Variants in CD96 observed in about 807,000 individuals in gnomAD.
The protein encoded by CD96 is CD96 molecule, also known as T-cell surface protein tactile.
In CD96, 70 loss-of-function variants were observed where a neutral mutation model predicts 71.3. The observed-to-expected ratio is 0.98, with a 90% CI of 0.81 to 1.20. The LOEUF (loss-of-function observed/expected upper bound fraction) is 1.20. Ranked by LOEUF, CD96 falls within the 50% of genes most tolerant of loss-of-function variation. The pLI is 0.00. For synonymous variants in CD96, 248 were observed against 233.0 expected (o/e 1.06, Z -0.59); for missense variants, 742 against 677.5 (o/e 1.10, Z -1.06).
intron 14 of CD96, among the ~76,000 whole-genome samples, chr3:111,660,077 T>C (rs1349784810): frequency 6.6e-6 from 1 of 152,060 alleles, no homozygotes; most frequent in East Asian, 1.9e-4. Context: ...GTGAAAGAAG[T>C]CAAACTATCT....
Position 111,567,554 on chromosome 3 carries a change from GATAGAA to G in CD96, c.456_461del (p.Glu154_Ile155del), listed in dbSNP as rs1559725053. 4 of 1,604,066 alleles carry G rather than the reference GATAGAA, an allele frequency of 2.5e-6. No individual in the cohort carries two copies. Among genetic ancestry groups the G allele is most frequent in the Middle Eastern group, 1.6e-4 (1 of 6,072 alleles). On this transcript the variant is annotated inframe_deletion, in exon 3 of 14. Coordinates refer to ENST00000352690, the MANE Select transcript of CD96 (RefSeq NM_005816.5). ...CAGATGAATGGAACAGCAACCATAC[GATAGAA>G]ATAGAGATAAATCAGACTCTGGAAA...
chr3:111,624,973 G>A (rs945989589), intron 10 of CD96, among the ~76,000 whole-genome samples: 7 of 152,216 alleles, frequency 4.6e-5, no homozygotes, highest in African/African-American at 1.4e-4. Context: ...AGTGGTATTA[G>A]ACAACGATCA....
At chr3:111,577,323 G>C (rs1221844303) in intron 3 of CD96, among the ~76,000 whole-genome samples, 1 of 152,122 alleles carries the variant, frequency 6.6e-6, no homozygotes, top group African/African-American at 2.4e-5. Context: ...ACGTACCTGT[G>C]CCAAAAGATC....
downstream of CD96, among the ~76,000 whole-genome samples, chr3:111,654,263 C>T (rs1053345548): frequency 5.3e-5 from 8 of 152,150 alleles, no homozygotes; most frequent in African/African-American, 1.7e-4. Flanking sequence ...ATTGGGGAAT[C>T]AAGGCAGTTA....
chr3:111,618,946 T>C (rs767541235), intron 8 of CD96, among the ~76,000 whole-genome samples: 4 of 152,196 alleles, frequency 2.6e-5, no homozygotes, highest in Non-Finnish European at 5.9e-5. Context: ...CTTGCTTCTT[T>C]TATTTGGCAT....
intron 3 of CD96, chr3:111,570,593 G>A (rs1422171135): frequency 2.0e-6 from 3 of 1,524,642 alleles, no homozygotes; most frequent in East Asian, 2.3e-5. Flanking sequence ...AGAAAGCTAA[G>A]GGATCAACAG....
chr3:111,590,321 T>G (rs1936918383), intron 5 of CD96, among the ~76,000 whole-genome samples: 2 of 152,174 alleles, frequency 1.3e-5, no homozygotes, highest in Non-Finnish European at 2.9e-5. Flanking sequence ...AACCACAGGT[T>G]TTTGGTGTTG....
chr3:111,611,232 C>CT (rs1937914216), intron 8 of CD96, among the ~76,000 whole-genome samples: 2 of 152,172 alleles, frequency 1.3e-5, no homozygotes, highest in African/African-American at 4.8e-5. Flanking sequence ...CTGCCTCTAA[C>CT]CCTCAGCCAG....
intron 8 of CD96, among the ~76,000 whole-genome samples, chr3:111,618,138 AC>A (rs1576397145): frequency 1.3e-5 from 2 of 152,014 alleles, no homozygotes; most frequent in East Asian, 3.9e-4. Context: ...TCGTTCACAC[AC>A]CCCTTGCTGC....
intron 10 of CD96, among the ~76,000 whole-genome samples, chr3:111,636,169 A>G (rs1939317275): frequency 1.3e-5 from 2 of 152,168 alleles, no homozygotes; most frequent in South Asian, 4.1e-4. Flanking sequence ...GGTGACCCCA[A>G]ATGGAAATAG....
At chr3:111,587,874 G>A (rs1936789086) in intron 5 of CD96, among the ~76,000 whole-genome samples, 1 of 152,170 alleles carries the variant, frequency 6.6e-6, no homozygotes, top group Admixed American at 6.5e-5. Context: ...AGGACACAGG[G>A]CACCAAGTCC....
chr3:111,542,359 G>A, intron 1 of CD96, 50 bp downstream of exon 1: 7 of 1,290,662 alleles, frequency 5.4e-6, no homozygotes, highest in Middle Eastern at 1.8e-4. Flanking sequence ...TTTAGGGGCG[G>A]ATGGGGCCTC....
chr3:111,574,952 T>A (rs1428545124), intron 3 of CD96, among the ~76,000 whole-genome samples: 1 of 15,602 alleles, frequency 6.4e-5, no homozygotes, highest in Non-Finnish European at 1.6e-4. Context: ...CCCAGCTAAC[T>A]TTTTTTTTTT....
chr3:111,601,007 G>T (rs368145157), intron 7 of CD96, 93 bp downstream of exon 7: 1 of 820,590 alleles, frequency 1.2e-6, no homozygotes. Context: ...CTTCCATAAC[G>T]TTTTAATCTC....
At chr3:111,603,430 G>C (rs1937543663) in intron 7 of CD96, among the ~76,000 whole-genome samples, 1 of 150,886 alleles carries the variant, frequency 6.6e-6, no homozygotes, top group East Asian at 1.9e-4. Context: ...GGGCAACAGA[G>C]CAAGGCTTTG....
At chr3:111,662,123 T>C (rs999164115) in intron 14 of CD96, among the ~76,000 whole-genome samples, 7 of 152,222 alleles carry the variant, frequency 4.6e-5, no homozygotes, top group Non-Finnish European at 8.8e-5. Flanking sequence ...GGCTTGGGCT[T>C]GCACCCTCTG....
At chr3:111,582,700 A>G (rs1936523424) in intron 4 of CD96, among the ~76,000 whole-genome samples, 1 of 152,220 alleles carries the variant, frequency 6.6e-6, no homozygotes, top group South Asian at 2.1e-4. Flanking sequence ...CACTTCTTAC[A>G]TGGCAGCAGC....
intron 8 of CD96, among the ~76,000 whole-genome samples, chr3:111,615,046 G>A (rs1576392852): frequency 6.6e-6 from 1 of 152,320 alleles, no homozygotes; most frequent in Middle Eastern, 3.4e-3. Flanking sequence ...TCCTGCATAG[G>A]TGGGCTAGAA....
In CD96 at chr3:111,609,865, A is replaced by G. The variant is rs561776735; in HGVS notation, c.1180+3073A>G. Among the ~76,000 whole-genome samples, 9 of 152,274 alleles carry G rather than the reference A, an allele frequency of 5.9e-5. No homozygotes were observed. The East Asian group carries it at 1.5e-3, about 26-fold the overall frequency. On this transcript the variant is annotated intron_variant, in intron 8 of 13. Transcript: ENST00000352690. ...AACCAGGGTAATTTTGCCACTCCAG[A>G]GGACCTTTGGCAGTGCCTGGAGACA...
Sources: gnomAD v4.1 joint callset for allele counts (sites outside exome capture counted in the v4.1 genomes callset) on GRCh38, gnomAD v4.1.1 for gene constraint, MANE v1.5 for transcripts, NCBI Gene and HGNC (gene_info 2026-07-23, HGNC 2026-07-21) for gene names.